TRMT9B: variants seen among roughly 807,000 people sequenced by gnomAD.
The protein encoded by TRMT9B is tRNA methyltransferase 9B (putative), also known as probable tRNA methyltransferase 9B.
Under a neutral mutation model 11.5 loss-of-function variants are expected in TRMT9B, and 16 were observed. The observed-to-expected ratio is 1.39, with a 90% CI of 0.94 to 2.11. The LOEUF is 2.11. Ranked by LOEUF, TRMT9B falls within the 30% of genes most tolerant of loss-of-function variation. The pLI is 0.00. For missense variants in TRMT9B, 941 were observed against 553.8 expected, an observed-to-expected ratio of 1.70 and a Z score of -7.02; for synonymous variants, 274 against 192.4, an observed-to-expected ratio of 1.42 and a Z score of -3.51.
intron 4 of TRMT9B, among the ~76,000 whole-genome samples, chr8:13,020,729 ACTT>A (rs879775727): frequency 2.0e-5 from 3 of 152,208 alleles, no homozygotes; most frequent in Non-Finnish European, 4.4e-5. Flanking sequence ...TGGACTCTAG[ACTT>A]CTTCTTATAG....
intron 2 of TRMT9B, among the ~76,000 whole-genome samples, chr8:13,005,065 G>C (rs1398167792): frequency 6.8e-6 from 1 of 146,094 alleles, no homozygotes; most frequent in African/African-American, 2.6e-5. Flanking sequence ...CAGCCTGGGC[G>C]ATACAGCGAG....
intron 3 of TRMT9B, chr8:13,011,489 C>A (rs187077254): frequency 2.0e-6 from 2 of 978,576 alleles, no homozygotes; most frequent in African/African-American, 1.8e-5. Flanking sequence ...ATCAGTAATG[C>A]CAATAAGTAC....
Position 13,027,439 on chromosome 8 carries a change from C to A in TRMT9B, c.*5395C>A, listed in dbSNP as rs769004047. 6.0e-6 allele frequency: 1 copy of A among 167,042 alleles called. No homozygotes were observed. The highest frequency in any genetic ancestry group is 6.5e-5 in the Admixed American group (1 of 15,276). The allele number at this position is 167,042 out of a possible 1,614,324, so 10.3% of individuals were successfully genotyped here. A position where few individuals can be genotyped will look rare whatever the true frequency, so the allele number is the denominator to read the frequency against. On this transcript the variant is annotated 3_prime_UTR_variant, in exon 5 of 5. Coordinates refer to ENST00000524591, the MANE Select transcript of TRMT9B (RefSeq NM_020844.3). ...CTAGACGTATTAACATCCTATAGCG[C>A]ACGTGTTCTGTGGGATATATTTCAG...
intron 1 of TRMT9B, among the ~76,000 whole-genome samples, chr8:12,979,538 C>T (rs769967324): frequency 1.1e-4 from 16 of 152,122 alleles, no homozygotes; most frequent in Non-Finnish European, 2.2e-4. Flanking sequence ...CATTCAAATG[C>T]CTTCCTGCCT....
chr8:12,965,676 G>C (rs537625196), intron 1 of TRMT9B, among the ~76,000 whole-genome samples: 1 of 151,946 alleles, frequency 6.6e-6, no homozygotes, highest in East Asian at 1.9e-4. Flanking sequence ...GGAGGAGCTT[G>C]TGGAGACAGG....
chr8:13,004,483 G>T (rs1360698426), intron 2 of TRMT9B, among the ~76,000 whole-genome samples: 4 of 151,820 alleles, frequency 2.6e-5, no homozygotes, highest in Admixed American at 1.3e-4. Context: ...GTTCAGCTGC[G>T]GTAGGATAGG....
At chr8:12,974,858 G>A (rs1004409219) in intron 1 of TRMT9B, among the ~76,000 whole-genome samples, 1 of 152,086 alleles carries the variant, frequency 6.6e-6, no homozygotes, top group Non-Finnish European at 1.5e-5. Flanking sequence ...GAGGTTGACA[G>A]GTGTTTTATG....
At chr8:12,971,536 T>C (rs570757969) in intron 1 of TRMT9B, among the ~76,000 whole-genome samples, 2 of 152,348 alleles carry the variant, frequency 1.3e-5, no homozygotes, top group Admixed American at 1.3e-4. Flanking sequence ...TTGCAGCATC[T>C]AGTGCGATAT....
intron 2 of TRMT9B, among the ~76,000 whole-genome samples, chr8:13,003,091 G>A (rs1809767865): frequency 1.3e-5 from 2 of 152,176 alleles, no homozygotes. Flanking sequence ...TATTAAATAA[G>A]ACAACTCCTT....
In TRMT9B at chr8:12,963,209, G is replaced by A. The variant is rs551459107; in HGVS notation, c.-200+17243G>A. The stretch of plus-strand genomic sequence containing the variant: ...AGCACTTTGGGAGGCCAAGGTGGGC[G>A]ATTCATGAGGTCAGGAGTTTGAGAC... On this transcript the variant is annotated intron_variant, in intron 1 of 4. Coordinates refer to ENST00000524591, the MANE Select transcript of TRMT9B (RefSeq NM_020844.3). Among the ~76,000 whole-genome samples, 31 of 152,190 alleles carry A rather than the reference G, an allele frequency of 2.0e-4. No individual in the cohort carries two copies. In the East Asian group the frequency reaches 4.4e-3, roughly 22 times the overall value.
intron 2 of TRMT9B, among the ~76,000 whole-genome samples, chr8:12,999,214 G>A (rs1394672552): frequency 4.7e-5 from 7 of 150,338 alleles, no homozygotes; most frequent in African/African-American, 7.4e-5. Flanking sequence ...CAGGAGAATC[G>A]CTTGAACCTG....
At chr8:13,020,494 C>G (rs1018257450) in intron 4 of TRMT9B, among the ~76,000 whole-genome samples, 3 of 152,162 alleles carry the variant, frequency 2.0e-5, no homozygotes, top group African/African-American at 7.2e-5. Context: ...GGGTGAGCTG[C>G]TGATCTTTGC....
chr8:12,956,760 G>C (rs1014317542), intron 1 of TRMT9B, among the ~76,000 whole-genome samples: 1 of 152,142 alleles, frequency 6.6e-6, no homozygotes, highest in Non-Finnish European at 1.5e-5. Context: ...AAATAGACAT[G>C]ACTTGTTTAT....
chr8:13,024,041 C>CTTTTTTTTTTTTTTTTTT lies in TRMT9B; in HGVS notation c.*2000_*2017dup, dbSNP rs33910775. 1.7e-5 allele frequency: 2 copies of CTTTTTTTTTTTTTTTTTT among 114,600 alleles called. No homozygotes were observed. Among genetic ancestry groups the CTTTTTTTTTTTTTTTTTT allele is most frequent in the Non-Finnish European group, 3.5e-5 (2 of 57,636 alleles). The allele number at this position is 114,600 out of a possible 1,614,324, so 7.1% of individuals were successfully genotyped here. A position where few individuals can be genotyped will look rare whatever the true frequency, so the allele number is the denominator to read the frequency against. Reference sequence around the variant, plus strand: ...AAAATTAATTTGGTTTCTTCTATTTCTTTTTTTTTTTTTTTTTTTTGAGAC... The same window carrying CTTTTTTTTTTTTTTTTTT: ...AAAATTAATTTGGTTTCTTCTATTTCTTTTTTTTTTTTTTTTTTTTTTTTTTTTTTTTTTTTTTGAGAC... On this transcript the variant is annotated 3_prime_UTR_variant, in exon 5 of 5. Transcript: ENST00000524591.
intron 1 of TRMT9B, among the ~76,000 whole-genome samples, chr8:12,985,762 C>A (rs990326720): frequency 6.6e-6 from 1 of 152,234 alleles, no homozygotes; most frequent in Non-Finnish European, 1.5e-5. Context: ...TGTGATCCTT[C>A]CTCCTCTAGT....
intron 3 of TRMT9B, chr8:13,010,202 A>G (rs757273650): frequency 7.0e-6 from 6 of 852,536 alleles, no homozygotes; most frequent in South Asian, 5.4e-5. Context: ...CAACAACTAC[A>G]TCTATAGTAA....
intron 1 of TRMT9B, among the ~76,000 whole-genome samples, chr8:12,980,324 C>A (rs1805152450): frequency 6.6e-6 from 1 of 152,146 alleles, no homozygotes; most frequent in African/African-American, 2.4e-5. Context: ...TATAAGGACA[C>A]TTGTCATTGG....
In TRMT9B at chr8:13,028,942, A is replaced by G. The variant is rs1313267396; in HGVS notation, c.*6898A>G. 6.0e-6 allele frequency: 1 copy of G among 166,940 alleles called. No individual in the cohort carries two copies. Among genetic ancestry groups the G allele is most frequent in the South Asian group, 2.1e-4 (1 of 4,828 alleles). The allele number at this position is 166,940 out of a possible 1,614,324, so 10.3% of individuals were successfully genotyped here. On this transcript the variant is annotated 3_prime_UTR_variant, in exon 5 of 5. Coordinates refer to ENST00000524591, the MANE Select transcript of TRMT9B (RefSeq NM_020844.3). ...CGCTGGCAATACATTAAGGCTCACT[A>G]ATGTGGACCTAAGTGAGTATCTGAG...
At chr8:12,947,303 A>AC (rs747752480) in intron 1 of TRMT9B, among the ~76,000 whole-genome samples, 4 of 152,240 alleles carry the variant, frequency 2.6e-5, no homozygotes, top group Non-Finnish European at 5.9e-5. Flanking sequence ...ACCCGGGTCT[A>AC]CCATTCAGCC....
Sources: gnomAD v4.1 joint callset for allele counts (sites outside exome capture counted in the v4.1 genomes callset) on GRCh38, gnomAD v4.1.1 for gene constraint, MANE v1.5 for transcripts, NCBI Gene and HGNC (gene_info 2026-07-23, HGNC 2026-07-21) for gene names.